The following NCAM1 variants were observed in gnomAD, a reference collection of about 807,000 sequenced individuals.
The protein encoded by NCAM1 is antigen recognized by monoclonal antibody 5.1H11.
In NCAM1, 14 loss-of-function variants were observed where a neutral mutation model predicts 109.8. That is an observed-to-expected ratio of 0.13 (90% confidence interval 0.08 to 0.20). The LOEUF (loss-of-function observed/expected upper bound fraction) is 0.20, where lower values mean the gene tolerates loss of function less well. Ranked by LOEUF, NCAM1 falls within the 10% of genes least tolerant of loss-of-function variation. The pLI is 1.00. For synonymous variants in NCAM1, 418 were observed against 442.9 expected, an observed-to-expected ratio of 0.94 and a Z score of 0.70; for missense variants, 774 against 1,109.9, an observed-to-expected ratio of 0.70 and a Z score of 4.30.
chr11:113,102,493 C>T (rs1253659483), intron 1 of NCAM1, among the ~76,000 whole-genome samples: 1 of 152,142 alleles, frequency 6.6e-6, no homozygotes, highest in African/African-American at 2.4e-5. Context: ...ATTCCTTTAG[C>T]TGGCATGGAG....
chr11:113,042,762 T>C (rs1189850225), intron 1 of NCAM1, among the ~76,000 whole-genome samples: 1 of 152,094 alleles, frequency 6.6e-6, no homozygotes, highest in Non-Finnish European at 1.5e-5. Context: ...ACTTTTCCAT[T>C]CCCTTCTCCA....
chr11:113,081,789 C>T (rs1414241046), intron 1 of NCAM1, among the ~76,000 whole-genome samples: 4 of 152,182 alleles, frequency 2.6e-5, no homozygotes, highest in African/African-American at 9.7e-5. Context: ...CCACCTCAGC[C>T]TCCCAGAGTG....
chr11:113,158,147 T>C (rs1049041702), intron 1 of NCAM1, among the ~76,000 whole-genome samples: 3 of 152,176 alleles, frequency 2.0e-5, no homozygotes, highest in Admixed American at 6.5e-5. Context: ...ATCAGACAAG[T>C]CTTTAAGTAT....
intron 1 of NCAM1, among the ~76,000 whole-genome samples, chr11:113,077,923 G>A (rs1189521251): frequency 6.6e-6 from 1 of 152,092 alleles, no homozygotes; most frequent in African/African-American, 2.4e-5. Flanking sequence ...CTGACCTCAG[G>A]TGATTCACCC....
chr11:113,049,443 T>C (rs1953388062), intron 1 of NCAM1, among the ~76,000 whole-genome samples: 1 of 152,212 alleles, frequency 6.6e-6, no homozygotes, highest in African/African-American at 2.4e-5. Context: ...TCAGCTATCT[T>C]GCAGAGTGTT....
intron 1 of NCAM1, among the ~76,000 whole-genome samples, chr11:113,051,571 C>T (rs7947116): frequency 6.6e-6 from 1 of 151,964 alleles, no homozygotes; most frequent in Non-Finnish European, 1.5e-5. Context: ...CTATCCTTCA[C>T]GTCTTTTGTT....
chr11:112,973,518 A>G (rs1463887108), intron 1 of NCAM1, among the ~76,000 whole-genome samples: 3 of 152,108 alleles, frequency 2.0e-5, no homozygotes, highest in Non-Finnish European at 4.4e-5. Context: ...AGGGTGCCCC[A>G]TGGACCTTTG....
intron 1 of NCAM1, among the ~76,000 whole-genome samples, chr11:112,983,110 T>C (rs1320156941): frequency 6.6e-6 from 1 of 152,000 alleles, no homozygotes; most frequent in East Asian, 1.9e-4. Context: ...TCAAAAAGAA[T>C]TAAAACCACA....
intron 1 of NCAM1, among the ~76,000 whole-genome samples, chr11:112,989,152 T>G (rs1187600226): frequency 6.6e-6 from 1 of 152,194 alleles, no homozygotes; most frequent in African/African-American, 2.4e-5. Context: ...GTACCTCTTA[T>G]GAGATTTGTG....
At chr11:113,221,555 T>A in intron 9 of NCAM1, 1 of 472,056 alleles carries the variant, frequency 2.1e-6, no homozygotes, top group East Asian at 3.5e-5. Context: ...GATCTTATTC[T>A]CTTGCTGGTG....
chr11:113,167,525 GTTT>G (rs782039239), intron 1 of NCAM1, among the ~76,000 whole-genome samples: 3 of 121,912 alleles, frequency 2.5e-5, no homozygotes, highest in African/African-American at 8.3e-5. Context: ...GCAGAAACGT[GTTT>G]TTTTTTTTTT....
intron 1 of NCAM1, among the ~76,000 whole-genome samples, chr11:113,094,835 G>A (rs1555090028): frequency 1.3e-5 from 2 of 152,210 alleles, no homozygotes; most frequent in African/African-American, 4.8e-5. Flanking sequence ...TGTGGCCTAA[G>A]TCTTTTCTAA....
chr11:113,173,293 C>T (rs1412077129), intron 1 of NCAM1, among the ~76,000 whole-genome samples: 1 of 152,018 alleles, frequency 6.6e-6, no homozygotes, highest in African/African-American at 2.4e-5. Context: ...AAAATTCTGC[C>T]AAGATCTAGC....
At chr11:113,242,822 GC>G (rs1555119357) in intron 14 of NCAM1, 1 of 1,613,804 alleles carries the variant, frequency 6.2e-7, no homozygotes, top group Non-Finnish European at 8.5e-7. Flanking sequence ...GCCTCTTCCT[GC>G]CCTTGCAACC....
intron 15 of NCAM1, among the ~76,000 whole-genome samples, chr11:113,247,832 C>T (rs1190455068): frequency 6.6e-6 from 1 of 152,144 alleles, no homozygotes; most frequent in Non-Finnish European, 1.5e-5. Context: ...ACAAGTCCCA[C>T]CCAAAATACG....
At chr11:113,049,919 A>C (rs1484403226) in intron 1 of NCAM1, among the ~76,000 whole-genome samples, 1 of 152,216 alleles carries the variant, frequency 6.6e-6, no homozygotes, top group African/African-American at 2.4e-5. Context: ...TTAAAGGGAC[A>C]CAAGTCCACC....
In NCAM1 at chr11:113,001,814, C is replaced by T. The variant is rs190481525; in HGVS notation, c.52+40150C>T. Among the ~76,000 whole-genome samples the T allele has an allele frequency of 2.4e-4, 37 of 152,008 alleles. No homozygotes were observed. The East Asian group carries it at 7.0e-3, about 29-fold the overall frequency. On this transcript the variant is annotated intron_variant, in intron 1 of 19. Coordinates refer to ENST00000316851, the MANE Select transcript of NCAM1 (RefSeq NM_181351.5). ...TTGGCTCATTTAGATAAAAAAAAAA[C>T]TCCAGTGGTGAGGTGCAGTATTTTA...
At chr11:112,998,007 C>A (rs376119146) in intron 1 of NCAM1, among the ~76,000 whole-genome samples, 1 of 152,092 alleles carries the variant, frequency 6.6e-6, no homozygotes, top group Non-Finnish European at 1.5e-5. Flanking sequence ...GAAGGAAGTA[C>A]CAGTTCAGGA....
At chr11:113,272,068 G>A (rs1188846770) in intron 19 of NCAM1, among the ~76,000 whole-genome samples, 192 bp downstream of exon 19, 3 of 151,966 alleles carry the variant, frequency 2.0e-5, no homozygotes, top group Admixed American at 6.5e-5. Context: ...GTTCTATTTC[G>A]GTGGCTGTGG....
Sources: allele counts gnomAD v4.1 joint callset (sites outside exome capture counted in the v4.1 genomes callset), GRCh38; gene constraint gnomAD v4.1.1; transcripts MANE v1.5; gene names NCBI Gene and HGNC (gene_info 2026-07-23, HGNC 2026-07-21).